PIGG: variants seen among roughly 807,000 people sequenced by gnomAD.
The protein encoded by PIGG is GPI ethanolamine phosphate transferase 2, catalytic subunit.
Under a neutral mutation model 83.2 loss-of-function variants are expected in PIGG, and 70 were observed. The observed-to-expected ratio is 0.84, with a 90% CI of 0.69 to 1.03. The LOEUF (loss-of-function observed/expected upper bound fraction) is 1.03, where lower values mean the gene tolerates loss of function less well. PIGG is among the 50% of genes least tolerant of loss of function. PIGG has a pLI of 0.00. For synonymous variants in PIGG, 532 were observed against 519.5 expected (o/e 1.02, Z -0.33); for missense variants, 1,257 against 1,233.6 (o/e 1.02, Z -0.28).
chr4:525,166 TG>T, intron 9 of PIGG: 4 of 984,366 alleles, frequency 4.1e-6, no homozygotes, highest in Non-Finnish European at 4.8e-6. Context: ...CTCCTCATCC[TG>T]AAGGGACAGA....
intron 10 of PIGG, chr4:527,667 C>T (rs1728027218): frequency 1.0e-6 from 1 of 988,546 alleles, no homozygotes; most frequent in Non-Finnish European, 1.2e-6. Context: ...GGAAATGAAG[C>T]TTGCTGGAAA....
intron 2 of PIGG, chr4:501,157 G>A (rs1463962987): frequency 4.4e-6 from 2 of 455,542 alleles, no homozygotes; most frequent in African/African-American, 2.0e-5. Context: ...CAAGAACCGT[G>A]GGTAAAGAAA....
At chr4:511,527 C>T (rs1230707780) in intron 5 of PIGG, among the ~76,000 whole-genome samples, 2 of 152,150 alleles carry the variant, frequency 1.3e-5, no homozygotes, top group Non-Finnish European at 2.9e-5. Context: ...GTGCCCCCAC[C>T]CGCCACCTCT....
At position 527,077 on chromosome 4, in the gene PIGG, T is replaced by G. The variant is rs2108994953; in HGVS notation, c.2108T>G (p.Leu703Arg). ...GCCGAGCTCTCTGTCCTGGCTGCCC[T>G]CTCCCTCCTCGTAGTTTTTGTGCTG... The part of the protein sequence containing the change: ...HKAELSVLAA[L>R]SLLVVFVLVQ... The change falls in exon 10 of 13, where the codon CTC (leucine) becomes CGC (arginine). Residue 703 changes from leucine to arginine, a missense_variant. Physicochemically the swap from Leu to Arg is moderately radical, Grantham distance 102. Transcript: ENST00000453061. 1 of 1,614,034 alleles carries G rather than the reference T, an allele frequency of 6.2e-7. No individual in the cohort carries two copies. Among genetic ancestry groups the G allele is most frequent in the Non-Finnish European group, 8.5e-7 (1 of 1,179,922 alleles).
chr4:520,333 G>A (rs1005094738), intron 6 of PIGG, among the ~76,000 whole-genome samples: 22 of 152,220 alleles, frequency 1.4e-4, no homozygotes, highest in East Asian at 3.9e-4. Context: ...CAGCCAGCTC[G>A]GGAAAGAAAG....
intron 6 of PIGG, among the ~76,000 whole-genome samples, chr4:517,961 A>G (rs1724491951): frequency 6.6e-6 from 1 of 152,190 alleles, no homozygotes; most frequent in African/African-American, 2.4e-5. Context: ...AGATTTCCCT[A>G]CTTGAAGTAG....
rs373118016 is a variant in PIGG, at chr4:534,002, C to T, written c.2735+21C>T. 41 of 1,611,238 alleles carry T rather than the reference C, an allele frequency of 2.5e-5. No homozygotes were observed. In the African/African-American group the frequency reaches 5.1e-4, roughly 20 times the overall value. On this transcript the variant is annotated intron_variant, in intron 12 of 12. Transcript: ENST00000453061. Reference sequence around the variant, plus strand: ...CGCAGGTGAGGCGCCTCTCTGCCGTCAGCACAGTTCTGGGGGCCGGCTGCC... The same window carrying T: ...CGCAGGTGAGGCGCCTCTCTGCCGTTAGCACAGTTCTGGGGGCCGGCTGCC...
rs1731597312 is a variant in PIGG at position 539,706 on chromosome 4, A to C, written c.*337A>C. The C allele has an allele frequency of 4.7e-6, 1 of 212,852 alleles. No homozygotes were observed. Among genetic ancestry groups the C allele is most frequent in the Non-Finnish European group, 9.4e-6 (1 of 106,502 alleles). 13.2% of individuals were successfully genotyped at this position (212,852 alleles called of 1,614,324 possible). On this transcript the variant is annotated 3_prime_UTR_variant, in exon 13 of 13. Coordinates refer to ENST00000453061, the MANE Select transcript of PIGG (RefSeq NM_001127178.3). Reference sequence around the variant, plus strand: ...TGGGAGGAGGCACCCAGATTACCTTAGGGAGCACAGAGCTCTTAGAATCCT... The same window carrying C: ...TGGGAGGAGGCACCCAGATTACCTTCGGGAGCACAGAGCTCTTAGAATCCT...
intron 6 of PIGG, among the ~76,000 whole-genome samples, chr4:518,776 C>A (rs115383787): frequency 2.0e-5 from 3 of 152,222 alleles, no homozygotes; most frequent in East Asian, 1.9e-4. Context: ...TGGAACCCCC[C>A]CTGGCGGCCC....
chr4:518,650 G>A (rs1192730633), intron 6 of PIGG, among the ~76,000 whole-genome samples: 1 of 152,110 alleles, frequency 6.6e-6, no homozygotes. Context: ...AGGGTTATTT[G>A]CCTGTTCCAG....
chr4:531,068 G>A lies in PIGG; in HGVS notation c.2571+323G>A, dbSNP rs563219462. ...ACTGATGAATGTAATAATTGTTCTC[G>A]TTCATGCCCTTTGCCCCTGGTGTCG... On this transcript the variant is annotated intron_variant, in intron 11 of 12. Transcript: ENST00000453061. 14 of 289,676 alleles carry A rather than the reference G, an allele frequency of 4.8e-5. No individual in the cohort carries two copies. In the East Asian group the frequency reaches 5.9e-4, roughly 12 times the overall value. The allele number at this position is 289,676 out of a possible 1,614,324, so 17.9% of individuals were successfully genotyped here. A position where few individuals can be genotyped will look rare whatever the true frequency, so the allele number is the denominator to read the frequency against.
At chr4:524,378 T>C (rs1370688854) in intron 9 of PIGG, among the ~76,000 whole-genome samples, 1 of 152,162 alleles carries the variant, frequency 6.6e-6, no homozygotes, top group Non-Finnish European at 1.5e-5. Flanking sequence ...TCATCTTGGC[T>C]CTCAGCTCTG....
chr4:537,149 T>C (rs1346151197), intron 12 of PIGG: 2 of 152,270 alleles, frequency 1.3e-5, no homozygotes, highest in Non-Finnish European at 2.9e-5. Context: ...CATCAAGTTT[T>C]ACTCATGGTT....
chr4:536,490 T>C (rs186439774), intron 12 of PIGG, among the ~76,000 whole-genome samples: 123 of 152,332 alleles, frequency 8.1e-4, no homozygotes, highest in African/African-American at 2.6e-3. Flanking sequence ...CAGACCAGCT[T>C]GGGAGACACC....
Position 528,550 on chromosome 4 carries a change from C to T in PIGG, c.2261+1320C>T, listed in dbSNP as rs557729096. ...AGTGTAGCAGGCCGTCATACGGGGC[C>T]GGGGCCTGGGGCAGAGAGGATGCTG... is the stretch of plus-strand genomic sequence containing the variant. On this transcript the variant is annotated intron_variant, in intron 10 of 12. Transcript: ENST00000453061. The surrounding 1 kb of genome is among the most constrained non-coding windows in gnomAD (Gnocchi z 4.8). 2.0e-6 allele frequency: 2 copies of T among 985,214 alleles called. No homozygotes were observed. The highest frequency in any genetic ancestry group is 1.7e-5 in the African/African-American group (1 of 57,302). The allele number at this position is 985,214 out of a possible 1,614,324, so 61.0% of individuals were successfully genotyped here. A position where few individuals can be genotyped will look rare whatever the true frequency, so the allele number is the denominator to read the frequency against.
intron 12 of PIGG, among the ~76,000 whole-genome samples, chr4:535,459 T>G (rs1730318254): frequency 6.6e-6 from 1 of 151,130 alleles, no homozygotes; most frequent in African/African-American, 2.5e-5. Context: ...CAGGCGAGCG[T>G]CTGGGACACT....
Position 515,026 on chromosome 4 carries a change from C to T in PIGG, c.902-947C>T, listed in dbSNP as rs983179349. On this transcript the variant is annotated intron_variant, in intron 5 of 12. Coordinates refer to ENST00000453061, the MANE Select transcript of PIGG (RefSeq NM_001127178.3). The surrounding 1 kb of genome is among the most constrained non-coding windows in gnomAD (Gnocchi z 4.2). ...TTTCTAAGCATGACCTAGAAGCCGT[C>T]ATTAGAGAGTTGGCCAAGACCTGAT... Among the ~76,000 whole-genome samples, 1 of 152,232 alleles carries T rather than the reference C, an allele frequency of 6.6e-6. No individual in the cohort carries two copies. Among genetic ancestry groups the T allele is most frequent in the African/African-American group, 2.4e-5 (1 of 41,462 alleles).
rs781867858 is a variant in PIGG at position 508,914 on chromosome 4, C to G, written c.845C>G (p.Thr282Ser). The change falls in exon 5 of 13, where the codon ACC becomes AGC. Residue 282 changes from threonine to serine, a missense_variant. Transcript: ENST00000453061. ...ACAGGAAGTCACGGGGCCTCCTCCA[C>G]CGAGGAGGTGAATACACCTCTGATT... ...SETGSHGASS[T>S]EEVNTPLILI... is the part of the protein sequence containing the mutation. 5.6e-6 allele frequency: 9 copies of G among 1,610,194 alleles called. No homozygotes were observed. Among genetic ancestry groups the G allele is most frequent in the Non-Finnish European group, 7.7e-6 (9 of 1,176,426 alleles).
At chr4:534,784 C>CT (rs1730011839) in intron 12 of PIGG, among the ~76,000 whole-genome samples, 1 of 151,914 alleles carries the variant, frequency 6.6e-6, no homozygotes, top group Non-Finnish European at 1.5e-5. Flanking sequence ...GTGCAGATGT[C>CT]CCCGGGGGAT....
Sources: gnomAD v4.1 joint callset for allele counts (sites outside exome capture counted in the v4.1 genomes callset) on GRCh38, gnomAD v4.1.1 for gene constraint, Gnocchi (gnomAD v3.1) non-coding constraint, MANE v1.5 for transcripts, NCBI Gene and HGNC (gene_info 2026-07-23, HGNC 2026-07-21) for gene names.